The following ARHGAP31 variants were observed in gnomAD, a reference collection of about 807,000 sequenced individuals.
The protein encoded by ARHGAP31 is Rho GTPase activating protein 31, also known as rho GTPase-activating protein 31.
A neutral mutation model predicts 113.9 loss-of-function variants in ARHGAP31; 34 were observed. The ratio of observed to expected loss-of-function variants is 0.30; its 90% confidence interval spans 0.23 to 0.40. The LOEUF (loss-of-function observed/expected upper bound fraction) is 0.40. Among genes scored for constraint, ARHGAP31 ranks in the 10% least tolerant of loss-of-function variants. ARHGAP31 has a pLI of 1.00. For missense variants in ARHGAP31, 1,548 were observed against 1,767.1 expected (o/e 0.88, Z 2.22); for synonymous variants, 650 against 684.8 (o/e 0.95, Z 0.79).
At chr3:119,302,131 C>A (rs1165373855) in intron 1 of ARHGAP31, among the ~76,000 whole-genome samples, 1 of 152,202 alleles carries the variant, frequency 6.6e-6, no homozygotes, top group Non-Finnish European at 1.5e-5. Context: ...GCTGTTTCCC[C>A]CTATGCACCA....
intron 11 of ARHGAP31, among the ~76,000 whole-genome samples, chr3:119,411,152 G>T (rs1217945818): frequency 1.3e-5 from 2 of 152,192 alleles, no homozygotes; most frequent in Non-Finnish European, 2.9e-5. Flanking sequence ...GTGAGACTCA[G>T]GGGGATGCAG....
At chr3:119,320,007 C>T (rs2079768007) in intron 1 of ARHGAP31, among the ~76,000 whole-genome samples, 1 of 152,250 alleles carries the variant, frequency 6.6e-6, no homozygotes, top group African/African-American at 2.4e-5. Flanking sequence ...ACCCACACCT[C>T]TCTGTGTATG....
At chr3:119,297,910 A>ACACG (rs1491324791) in intron 1 of ARHGAP31, among the ~76,000 whole-genome samples, 2 of 20,960 alleles carry the variant, frequency 9.5e-5, no homozygotes, top group African/African-American at 5.6e-4. Context: ...TTCCTTAGAA[A>ACACG]CACACACACA....
At chr3:119,384,176 G>A (rs2080427870) in intron 6 of ARHGAP31, among the ~76,000 whole-genome samples, 2 of 152,134 alleles carry the variant, frequency 1.3e-5, no homozygotes, top group South Asian at 4.1e-4. Context: ...ATAATCAGTT[G>A]CAATTAGTAT....
At position 119,402,376 on chromosome 3, in the gene ARHGAP31, C is replaced by T; in HGVS notation, c.1624C>T (p.Leu542=). The T allele has an allele frequency of 6.2e-7, 1 of 1,613,460 alleles. No homozygotes were observed. Among genetic ancestry groups the T allele is most frequent in the Non-Finnish European group, 8.5e-7 (1 of 1,180,014 alleles). Reference sequence around the variant, plus strand: ...AGGCTGGCCAGAAGAAGAGAAACCGCTGGGAGCTGAGACTTCTGCAGGTAA... The same window carrying T: ...AGGCTGGCCAGAAGAAGAGAAACCGTTGGGAGCTGAGACTTCTGCAGGTAA... ...SGGWPEEEKP[L]GAETSAASVP... The change falls in exon 10 of 12, where the codon CTG becomes TTG. Residue 542 remains leucine, a synonymous_variant. Transcript: ENST00000264245.
In ARHGAP31 at chr3:119,420,400, T is replaced by C. The variant is rs1347851843; in HGVS notation, c.*4136T>C. 6.6e-6 allele frequency: 1 copy of C among 152,244 alleles called. No individual in the cohort carries two copies. The highest frequency in any genetic ancestry group is 2.4e-5 in the African/African-American group (1 of 41,446). 9.4% of individuals were successfully genotyped at this position (152,244 alleles called of 1,614,324 possible). On this transcript the variant is annotated 3_prime_UTR_variant, in exon 12 of 12. Transcript: ENST00000264245. ...ACAAGGCCAGAAGAGGGAGCAAGCA[T>C]CTTTCCAAGCATGGAGAGGAGGGGG... is the stretch of plus-strand genomic sequence containing the variant.
intron 4 of ARHGAP31, among the ~76,000 whole-genome samples, chr3:119,382,025 GT>G (rs2080405417): frequency 6.6e-6 from 1 of 150,600 alleles, no homozygotes; most frequent in Non-Finnish European, 1.5e-5. Flanking sequence ...AGGCTCTGAG[GT>G]GCTGTGATTC....
intron 3 of ARHGAP31, among the ~76,000 whole-genome samples, chr3:119,378,585 C>T (rs1057098016): frequency 1.5e-4 from 23 of 152,174 alleles, no homozygotes; most frequent in African/African-American, 4.6e-4. Context: ...AGCATGATTC[C>T]GGCTTTGCAG....
chr3:119,348,239 T>C (rs574883260), intron 1 of ARHGAP31, among the ~76,000 whole-genome samples: 9 of 152,246 alleles, frequency 5.9e-5, no homozygotes, highest in Non-Finnish European at 1.2e-4. Flanking sequence ...TAATAACATA[T>C]ACATATATTT....
At chr3:119,348,391 G>A (rs1266168440) in intron 1 of ARHGAP31, among the ~76,000 whole-genome samples, 1 of 152,158 alleles carries the variant, frequency 6.6e-6, no homozygotes, top group Non-Finnish European at 1.5e-5. Flanking sequence ...TGCCAAAAAG[G>A]TCTGGGACCA....
At chr3:119,365,852 G>C (rs2080248962) in intron 2 of ARHGAP31, among the ~76,000 whole-genome samples, 1 of 152,094 alleles carries the variant, frequency 6.6e-6, no homozygotes, top group Non-Finnish European at 1.5e-5. Flanking sequence ...TGTTTTGTCT[G>C]GTTGAGAAAT....
chr3:119,413,974 T>C lies in ARHGAP31; in HGVS notation c.2045T>C (p.Ile682Thr). The C allele has an allele frequency of 6.2e-7, 1 of 1,614,140 alleles. No individual in the cohort carries two copies. The highest frequency in any genetic ancestry group is 8.5e-7 in the Non-Finnish European group (1 of 1,180,014). The change falls in exon 12 of 12, where the codon ATT (isoleucine) becomes ACT (threonine). Residue 682 changes from isoleucine (I) to threonine (T), a missense_variant. Coordinates refer to ENST00000264245, the MANE Select transcript of ARHGAP31 (RefSeq NM_020754.4). ...CCTCCTGCTCTGAAGACCAGCCCAATTCAGCCTATTCTCGAGTCGAGTCTG... is the reference window on the plus strand; with the variant it reads ...CCTCCTGCTCTGAAGACCAGCCCAACTCAGCCTATTCTCGAGTCGAGTCTG... Reference protein sequence around the residue: ...LPPPALKTSPIQPILESSLGP... With the variant: ...LPPPALKTSPTQPILESSLGP...
chr3:119,302,646 A>G (rs1384142403), intron 1 of ARHGAP31, among the ~76,000 whole-genome samples: 3 of 152,234 alleles, frequency 2.0e-5, no homozygotes, highest in African/African-American at 7.2e-5. Context: ...CATTTTACAA[A>G]AGAGAAAACT....
chr3:119,350,954 G>A (rs1041516203), intron 1 of ARHGAP31, among the ~76,000 whole-genome samples: 3 of 152,176 alleles, frequency 2.0e-5, no homozygotes, highest in African/African-American at 7.2e-5. Context: ...TTCCAGCCCA[G>A]CCTCTCCTCC....
chr3:119,383,264 CCTT>C, intron 6 of ARHGAP31, 38 bp downstream of exon 6: 5 of 1,612,806 alleles, frequency 3.1e-6, no homozygotes, highest in Non-Finnish European at 3.4e-6. Flanking sequence ...ACCAGCTTAT[CCTT>C]CTTTCTTGCA....
chr3:119,399,498 G>A (rs9819603), intron 9 of ARHGAP31, among the ~76,000 whole-genome samples: 3 of 152,178 alleles, frequency 2.0e-5, no homozygotes, highest in African/African-American at 7.2e-5. Context: ...CCTTCCTCTA[G>A]CCACAGCTGA....
At chr3:119,380,815 A>C in intron 3 of ARHGAP31, 89 bp from the exon 4 acceptor site, 4 of 1,066,474 alleles carry the variant, frequency 3.8e-6, no homozygotes, top group Non-Finnish European at 5.8e-6. Context: ...GTGAGGCTGG[A>C]GTATGAGGGC....
chr3:119,333,471 C>A (rs918497012), intron 1 of ARHGAP31, among the ~76,000 whole-genome samples: 1 of 152,130 alleles, frequency 6.6e-6, no homozygotes, highest in African/African-American at 2.4e-5. Context: ...CAGCTATATT[C>A]TTTTTAAAAG....
chr3:119,310,019 G>A (rs892876133), intron 1 of ARHGAP31, among the ~76,000 whole-genome samples: 1 of 151,372 alleles, frequency 6.6e-6, no homozygotes, highest in Non-Finnish European at 1.5e-5. Flanking sequence ...GAGAAGTGAA[G>A]TGATATGCCC....
Sources: gnomAD v4.1 joint callset for allele counts (sites outside exome capture counted in the v4.1 genomes callset) on GRCh38, gnomAD v4.1.1 for gene constraint, MANE v1.5 for transcripts, NCBI Gene and HGNC (gene_info 2026-07-23, HGNC 2026-07-21) for gene names.